NTN5: variants seen among roughly 807,000 people sequenced by gnomAD.
NTN5 encodes the protein netrin-5.
A neutral mutation model predicts 38.7 loss-of-function variants in NTN5; 42 were observed. The observed-to-expected ratio is 1.08, with a 90% CI of 0.85 to 1.40. NTN5 has a LOEUF of 1.40. NTN5 is among the 40% of genes most tolerant of loss of function. The pLI is 0.00. For missense variants in NTN5, 658 were observed against 716.5 expected, an observed-to-expected ratio of 0.92 and a Z score of 0.93; for synonymous variants, 329 against 303.9, an observed-to-expected ratio of 1.08 and a Z score of -0.86.
At chr19:48,664,936 G>A (rs144758796) in intron 2 of NTN5, among the ~76,000 whole-genome samples, 169 bp from the exon 3 acceptor site, 4,478 of 151,704 alleles carry the variant, frequency 0.03, 104 homozygotes, top group Middle Eastern at 0.052. Flanking sequence ...TTTTTGAGAC[G>A]GAGACTCACT....
intron 5 of NTN5, 85 bp from the exon 6 acceptor site, chr19:48,663,628 G>C: frequency 5.2e-6 from 8 of 1,528,216 alleles, no homozygotes; most frequent in Non-Finnish European, 7.2e-6. Context: ...GTTCCATCTT[G>C]ATGGCCAGCT....
rs775613587 is a variant in NTN5, at chr19:48,661,835, C to T, written c.1312G>A (p.Asp438Asn). The T allele has an allele frequency of 1.5e-4, 205 of 1,331,432 alleles. No homozygotes were observed. The highest frequency in any genetic ancestry group is 8.4e-4 in the Middle Eastern group (3 of 3,554). The allele number at this position is 1,331,432 out of a possible 1,614,324, so 82.5% of individuals were successfully genotyped here. Reference sequence around the variant, plus strand: ...AGGATGAGGCGCGTGGGGTCGGGGTCGCCCACGGCGCTGCCCAGCAGCAGG... The same window carrying T: ...AGGATGAGGCGCGTGGGGTCGGGGTTGCCCACGGCGCTGCCCAGCAGCAGG... Reference protein sequence around the residue: ...DYLLLGSAVGDPDPTRLILDR... With the variant: ...DYLLLGSAVGNPDPTRLILDR... Residue 438 changes from aspartate to asparagine, a missense_variant, in exon 7 of 7, where the codon GAC (aspartate) becomes AAC (asparagine). Transcript: ENST00000270235.
At chr19:48,669,816 T>TCAC (rs1178629955) in intron 2 of NTN5, among the ~76,000 whole-genome samples, 2 of 36,934 alleles carry the variant, frequency 5.4e-5, no homozygotes, top group African/African-American at 1.8e-4. Flanking sequence ...ATCATCACCA[T>TCAC]CACCACCACC....
chr19:48,669,009 A>G (rs1183744512), intron 2 of NTN5, among the ~76,000 whole-genome samples: 1 of 135,518 alleles, frequency 7.4e-6, no homozygotes, highest in Non-Finnish European at 1.6e-5. Flanking sequence ...CATCACCACT[A>G]TCACCACCAT....
At chr19:48,667,336 T>C in intron 2 of NTN5, 2 of 351,296 alleles carry the variant, frequency 5.7e-6, no homozygotes, top group Non-Finnish European at 1.2e-5. Flanking sequence ...GCATTGTCAG[T>C]CTCTTACCCG....
At chr19:48,664,029 G>T in intron 4 of NTN5, 114 bp downstream of exon 4, 1 of 1,358,120 alleles carries the variant, frequency 7.4e-7, no homozygotes, top group East Asian at 2.5e-5. Flanking sequence ...CCAGCCTCCA[G>T]CCTTGGGCTC....
intron 2 of NTN5, 103 bp from the exon 3 acceptor site, chr19:48,664,870 T>C: frequency 9.9e-7 from 1 of 1,011,086 alleles, no homozygotes; most frequent in East Asian, 3.1e-5. Context: ...AAGCCGTGAG[T>C]GTCCAAGGTA....
At chr19:48,672,382 C>G (rs1394970145) in intron 1 of NTN5, among the ~76,000 whole-genome samples, 2 of 152,164 alleles carry the variant, frequency 1.3e-5, no homozygotes, top group Non-Finnish European at 2.9e-5. Flanking sequence ...GGCTCTGAAT[C>G]TGCGCCCAGG....
rs1388301921 is a variant in NTN5 at position 48,661,708 on chromosome 19, G to T, written c.1439C>A (p.Ala480Glu). 1.3e-6 allele frequency: 2 copies of T among 1,556,894 alleles called. No individual in the cohort carries two copies. Among genetic ancestry groups the T allele is most frequent in the Non-Finnish European group, 1.7e-6 (2 of 1,161,286 alleles). The part of the protein sequence containing the change: ...ERAGGCRGVR[A>E]PTPSPRPEH Reference sequence around the variant, plus strand: ...CTCCGGCCTGGGACTGGGTGTGGGTGCCCGCACGCCGCGGCAGCCTCCGGC... The same window carrying T: ...CTCCGGCCTGGGACTGGGTGTGGGTTCCCGCACGCCGCGGCAGCCTCCGGC... The change falls in exon 7 of 7, where the codon GCA becomes GAA. Residue 480 changes from alanine (A) to glutamate (E), a missense_variant. Coordinates refer to ENST00000270235, the MANE Select transcript of NTN5 (RefSeq NM_145807.4).
intron 1 of NTN5, among the ~76,000 whole-genome samples, chr19:48,671,253 C>T (rs1220803045): frequency 1.3e-5 from 2 of 152,002 alleles, no homozygotes; most frequent in Admixed American, 6.6e-5. Context: ...CAGAGTTATC[C>T]GTCAGTGTCG....
chr19:48,666,834 C>T (rs774804234), intron 2 of NTN5, among the ~76,000 whole-genome samples: 6 of 151,614 alleles, frequency 4.0e-5, no homozygotes, highest in African/African-American at 9.7e-5. Flanking sequence ...CAGGCATGCA[C>T]CACCACACCA....
intron 6 of NTN5, 39 bp from the exon 7 acceptor site, chr19:48,662,080 C>A (rs1425264520): frequency 4.3e-6 from 6 of 1,410,374 alleles, no homozygotes; most frequent in Admixed American, 3.1e-5. Context: ...TCGTGGGGAG[C>A]TTCCAGGGTA....
Position 48,661,630 on chromosome 19 carries a change from C to A in NTN5, c.*47G>T, listed in dbSNP as rs1252874654. On this transcript the variant is annotated 3_prime_UTR_variant, in exon 7 of 7. Transcript: ENST00000270235. ...CGAGGTAGAAGGCTCAGCTCCTAGT[C>A]GCTCCCAAATTACTTTGTTGGTGCT... 2 of 1,463,408 alleles carry A rather than the reference C, an allele frequency of 1.4e-6. No homozygotes were observed. The highest frequency in any genetic ancestry group is 1.8e-6 in the Non-Finnish European group (2 of 1,115,548). 90.7% of individuals were successfully genotyped at this position (1,463,408 alleles called of 1,614,324 possible).
Position 48,672,995 on chromosome 19 carries a change from G to C in NTN5, c.-84C>G, listed in dbSNP as rs1468573269. 6 of 316,192 alleles carry C rather than the reference G, an allele frequency of 1.9e-5. No homozygotes were observed. The highest frequency in any genetic ancestry group is 1.2e-4 in the South Asian group (5 of 42,884). The allele number at this position is 316,192 out of a possible 1,614,324, so 19.6% of individuals were successfully genotyped here. A position where few individuals can be genotyped will look rare whatever the true frequency, so the allele number is the denominator to read the frequency against. ...GCAGGCTCTTCCTCCAAGCTGTGGC[G>C]CGGTGGGCTCTCAGGAGGGAGTGGC... On this transcript the variant is annotated 5_prime_UTR_variant, in exon 1 of 7. Transcript: ENST00000270235.
intron 2 of NTN5, among the ~76,000 whole-genome samples, chr19:48,669,673 TCATCACCAC>T (rs1601212756): frequency 3.5e-5 from 2 of 57,702 alleles, no homozygotes; most frequent in Admixed American, 1.9e-4. Context: ...ACCATCACCA[TCATCACCAC>T]CATCACCACC....
At position 48,670,465 on chromosome 19, in the gene NTN5, G is replaced by C. The variant is rs1281638465; in HGVS notation, c.522C>G (p.Arg174=). The C allele has an allele frequency of 1.4e-6, 2 of 1,476,984 alleles. No homozygotes were observed. The highest frequency in any genetic ancestry group is 1.8e-6 in the Non-Finnish European group (2 of 1,114,226). 91.5% of individuals were successfully genotyped at this position (1,476,984 alleles called of 1,614,324 possible). Reference sequence around the variant, plus strand: ...CAGTGGTATGGTGGCGGCAGTGGCAGCGGGGGGGCCGGGCACGGGCGGCAC... The same window carrying C: ...CAGTGGTATGGTGGCGGCAGTGGCACCGGGGGGGCCGGGCACGGGCGGCAC... ...ARCAARARPP[R]CHCRHHTTGP... Residue 174 remains arginine (R), a synonymous_variant, in exon 2 of 7, where the codon CGC becomes CGG. Coordinates refer to ENST00000270235, the MANE Select transcript of NTN5 (RefSeq NM_145807.4).
chr19:48,665,112 C>T (rs1335774460), intron 2 of NTN5, among the ~76,000 whole-genome samples: 4 of 147,542 alleles, frequency 2.7e-5, no homozygotes, highest in African/African-American at 1.0e-4. Context: ...TTAGTAGAGA[C>T]GGGGTTTCAC....
At chr19:48,672,353 G>A (rs577714533) in intron 1 of NTN5, among the ~76,000 whole-genome samples, 7 of 152,294 alleles carry the variant, frequency 4.6e-5, no homozygotes, top group South Asian at 2.1e-4. Flanking sequence ...TGGGGGCCTC[G>A]GAGCCTTTCC....
chr19:48,670,675 C>G lies in NTN5; in HGVS notation c.312G>C (p.Leu104=). ...CAGGCCAGGCGGGCCTGTGCCACAG[C>G]AGCCTCCAGGGACCCCCTGAGGCCC... The part of the protein sequence containing the change: ...AAWASGGPWR[L]LWHRPAWPGA... The change falls in exon 2 of 7, where the codon CTG becomes CTC. Residue 104 remains leucine, a synonymous_variant. Coordinates refer to ENST00000270235, the MANE Select transcript of NTN5 (RefSeq NM_145807.4). 1 of 1,608,514 alleles carries G rather than the reference C, an allele frequency of 6.2e-7. No individual in the cohort carries two copies. The highest frequency in any genetic ancestry group is 8.5e-7 in the Non-Finnish European group (1 of 1,178,148).
Sources: allele counts gnomAD v4.1 joint callset (sites outside exome capture counted in the v4.1 genomes callset), GRCh38; gene constraint gnomAD v4.1.1; transcripts MANE v1.5; gene names NCBI Gene and HGNC (gene_info 2026-07-23, HGNC 2026-07-21).